The following EPS8 variants were observed in gnomAD, a reference collection of about 807,000 sequenced individuals.
EPS8 encodes EGFR pathway substrate 8, signaling adaptor.
In EPS8, 42 loss-of-function variants were observed where a neutral mutation model predicts 103.8. That is an observed-to-expected ratio of 0.40 (90% CI 0.32 to 0.52). The LOEUF (loss-of-function observed/expected upper bound fraction) is 0.52, where lower values mean the gene tolerates loss of function less well. Among genes scored for constraint, EPS8 ranks in the 20% least tolerant of loss-of-function variants. The pLI is 0.40. For missense variants in EPS8, 969 were observed against 1,005.1 expected, an observed-to-expected ratio of 0.96 and a Z score of 0.49; for synonymous variants, 344 against 344.6, an observed-to-expected ratio of 1.00 and a Z score of 0.02.
chr12:15,669,801 G>C lies in EPS8; in HGVS notation c.229C>G (p.Arg77Gly). Residue 77 changes from arginine to glycine, a missense_variant, in exon 5 of 21, where the codon CGG becomes GGG. Physicochemically the swap from Arg to Gly is moderately radical, Grantham distance 125. Coordinates refer to ENST00000281172, the MANE Select transcript of EPS8 (RefSeq NM_004447.6). Reference sequence around the variant, plus strand: ...TCAACAGTGATCATAGCATCTTTCCGATCCAGGACAAAGGTAGTCAAGTGC... The same window carrying C: ...TCAACAGTGATCATAGCATCTTTCCCATCCAGGACAAAGGTAGTCAAGTGC... Reference protein sequence around the residue: ...VEHLTTFVLDRKDAMITVDDG... With the variant: ...VEHLTTFVLDGKDAMITVDDG... 1.2e-6 allele frequency: 2 copies of C among 1,605,940 alleles called. No homozygotes were observed. Among genetic ancestry groups the C allele is most frequent in the Non-Finnish European group, 1.7e-6 (2 of 1,177,646 alleles).
rs767876620 is a variant in EPS8 at position 15,776,834 on chromosome 12, C to T, written c.-22+12327G>A. Among the ~76,000 whole-genome samples the T allele has an allele frequency of 6.6e-6, 1 of 152,172 alleles. No homozygotes were observed. Among genetic ancestry groups the T allele is most frequent in the Non-Finnish European group, 1.5e-5 (1 of 68,018 alleles). On this transcript the variant is annotated intron_variant, in intron 1 of 20. Transcript: ENST00000281172. This position sits in a 1 kb window ranked among gnomAD's most constrained non-coding sequence, Gnocchi z 4.2. The stretch of plus-strand genomic sequence containing the variant: ...TTCTACCACCACTTGTTTTCCCAAT[C>T]ATTTTATCACTTTATCTATTAGTTT...
chr12:15,785,587 T>C lies in EPS8; in HGVS notation c.-22+3574A>G, dbSNP rs571817759. Among the ~76,000 whole-genome samples, 1 of 152,224 alleles carries C rather than the reference T, an allele frequency of 6.6e-6. No homozygotes were observed. Among genetic ancestry groups the C allele is most frequent in the African/African-American group, 2.4e-5 (1 of 41,556 alleles). On this transcript the variant is annotated intron_variant, in intron 1 of 20. Coordinates refer to ENST00000281172, the MANE Select transcript of EPS8 (RefSeq NM_004447.6). This position sits in a 1 kb window ranked among gnomAD's most constrained non-coding sequence, Gnocchi z 4.9. ...GTACAGATATGTTCATATACACACA[T>C]GTATTTCTTGCTTTGTCACATGAGA...
chr12:15,698,966 TA>T lies in EPS8; in HGVS notation c.-21-15995del, dbSNP rs1351598665. Among the ~76,000 whole-genome samples the T allele has an allele frequency of 3.3e-5, 5 of 152,128 alleles. No individual in the cohort carries two copies. Among genetic ancestry groups the T allele is most frequent in the Middle Eastern group, 3.2e-3 (1 of 316 alleles). ...CAGATGCTTCAGATTTGAAAAAATG[TA>T]AATGACCATCAATCTACTAATATAA... On this transcript the variant is annotated intron_variant, in intron 1 of 20. Transcript: ENST00000281172. The surrounding 1 kb of genome is among the most constrained non-coding windows in gnomAD (Gnocchi z 4.9).
At chr12:15,654,473 G>A (rs1591823581) in intron 12 of EPS8, 180 bp from the exon 13 acceptor site, 1 of 626,076 alleles carries the variant, frequency 1.6e-6, no homozygotes, top group African/African-American at 1.8e-5. Flanking sequence ...GCCCAGCCCA[G>A]CAGTGCTTTA....
chr12:15,650,823 C>G lies in EPS8; in HGVS notation c.1434G>C (p.Glu478Asp). The change falls in exon 14 of 21, where the codon GAG becomes GAC. Residue 478 changes from glutamate (E) to aspartate (D), a missense_variant and splice_region_variant. Transcript: ENST00000281172. ...RKQEIKRLST[E>D]HSSVSEYHPA... ...AGGGCAATGTTAAAAAAAAAACTAC[C>G]TCTGTGGATAATCTTTTTATTTCCT... The G allele has an allele frequency of 6.2e-7, 1 of 1,612,932 alleles. No homozygotes were observed. Among genetic ancestry groups the G allele is most frequent in the Non-Finnish European group, 8.5e-7 (1 of 1,179,360 alleles).
chr12:15,779,242 T>C lies in EPS8; in HGVS notation c.-22+9919A>G, dbSNP rs1246571891. On this transcript the variant is annotated intron_variant, in intron 1 of 20. Transcript: ENST00000281172. This position sits in a 1 kb window ranked among gnomAD's most constrained non-coding sequence, Gnocchi z 4.3. ...ATCCGCCTGCCTCGGCTTCCCAAAA[T>C]GCTGGGATTACAGGCGTGAGCCACC... 2.6e-5 allele frequency among the ~76,000 whole-genome samples: 4 copies of C among 152,206 alleles called. No individual in the cohort carries two copies. The highest frequency in any genetic ancestry group is 5.9e-5 in the Non-Finnish European group (4 of 68,038).
At chr12:15,650,796 A>C in intron 14 of EPS8, 27 bp downstream of exon 14, 1 of 1,567,746 alleles carries the variant, frequency 6.4e-7, no homozygotes. Flanking sequence ...CACTGTCTAC[A>C]GAGGGCAATG....
rs1419342785 is a variant in EPS8 at position 15,697,781 on chromosome 12, A to G, written c.-21-14809T>C. On this transcript the variant is annotated intron_variant, in intron 1 of 20. Transcript: ENST00000281172. The surrounding 1 kb of genome is among the most constrained non-coding windows in gnomAD (Gnocchi z 5.6). ...ATCTAGCTTTACTGATAAGTAAGAA[A>G]AAAAGGGAACTGGATTCTGAAAGTT... 6.6e-6 allele frequency among the ~76,000 whole-genome samples: 1 copy of G among 152,204 alleles called. No homozygotes were observed. Among genetic ancestry groups the G allele is most frequent in the Non-Finnish European group, 1.5e-5 (1 of 68,030 alleles).
Position 15,713,187 on chromosome 12 carries a change from C to T in EPS8, c.-21-30215G>A, listed in dbSNP as rs886185457. The T allele has an allele frequency of 3.7e-5, 6 of 160,558 alleles. No homozygotes were observed. The East Asian group carries it at 7.7e-4, about 21-fold the overall frequency. 9.9% of individuals were successfully genotyped at this position (160,558 alleles called of 1,614,324 possible). A position where few individuals can be genotyped will look rare whatever the true frequency, so the allele number is the denominator to read the frequency against. On this transcript the variant is annotated intron_variant, in intron 1 of 20. Transcript: ENST00000281172. This position sits in a 1 kb window ranked among gnomAD's most constrained non-coding sequence, Gnocchi z 4.8. ...AAGCTTACTGTGTGGTCTAAATTAA[C>T]GCTATATACACAGACACCATTATTA...
rs1233318169 is a variant in EPS8 at position 15,713,200 on chromosome 12, G to A, written c.-21-30228C>T. 1 of 155,482 alleles carries A rather than the reference G, an allele frequency of 6.4e-6. No homozygotes were observed. The highest frequency in any genetic ancestry group is 2.4e-5 in the African/African-American group (1 of 41,464). 9.6% of individuals were successfully genotyped at this position (155,482 alleles called of 1,614,324 possible). On this transcript the variant is annotated intron_variant, in intron 1 of 20. Coordinates refer to ENST00000281172, the MANE Select transcript of EPS8 (RefSeq NM_004447.6). The surrounding 1 kb of genome is among the most constrained non-coding windows in gnomAD (Gnocchi z 4.8). ...GGTCTAAATTAACGCTATATACACA[G>A]ACACCATTATTACTCCCATTTTAGA...
chr12:15,737,122 C>G (rs1030061949), intron 1 of EPS8, among the ~76,000 whole-genome samples: 14 of 152,034 alleles, frequency 9.2e-5, no homozygotes, highest in Non-Finnish European at 1.9e-4. Context: ...GTACTAAACA[C>G]AATAGTGTAG....
At position 15,657,786 on chromosome 12, in the gene EPS8, T is replaced by C; in HGVS notation, c.1101+293A>G. The C allele has an allele frequency of 1.0e-5, 3 of 285,844 alleles. No homozygotes were observed. In the South Asian group the frequency reaches 1.2e-4, roughly 11 times the overall value. The allele number at this position is 285,844 out of a possible 1,614,324, so 17.7% of individuals were successfully genotyped here. ...CTACGTTATTCAAGGCACTGGATAT[T>C]ATATACTAGTATACGTTGAAATACT... On this transcript the variant is annotated intron_variant, in intron 12 of 20. Coordinates refer to ENST00000281172, the MANE Select transcript of EPS8 (RefSeq NM_004447.6).
At position 15,647,128 on chromosome 12, in the gene EPS8, T is replaced by A; in HGVS notation, c.1567A>T (p.Arg523Ter). ...FKPTSNRHID[R>*]NYEPLKTQPK... ...CAAAGGGTGCCCATTAAATGTTACC[T>A]ATCTATATGGCGATTAGAAGTTGGC... Residue 523 changes from arginine (R) to a stop codon, truncating the protein, a stop_gained and splice_region_variant, in exon 15 of 21, where the codon AGA becomes TGA. Transcript: ENST00000281172. LOFTEE classifies it high-confidence loss of function. 6.2e-7 allele frequency: 1 copy of A among 1,612,778 alleles called. No individual in the cohort carries two copies. The highest frequency in any genetic ancestry group is 2.2e-5 in the East Asian group (1 of 44,864).
Position 15,697,083 on chromosome 12 carries a change from A to G in EPS8, c.-21-14111T>C, listed in dbSNP as rs548120825. 3.3e-4 allele frequency among the ~76,000 whole-genome samples: 50 copies of G among 152,300 alleles called. 1 individual carries two copies. The highest frequency in any genetic ancestry group is 1.2e-3 in the African/African-American group (49 of 41,556). On this transcript the variant is annotated intron_variant, in intron 1 of 20. Coordinates refer to ENST00000281172, the MANE Select transcript of EPS8 (RefSeq NM_004447.6). This position sits in a 1 kb window ranked among gnomAD's most constrained non-coding sequence, Gnocchi z 5.6. ...TCTATTCCCACAGTTCCCATCTCTA[A>G]CCAACTGGGAAAATGGCCTATAGAC...
At chr12:15,691,643 T>C (rs1278626175) in intron 1 of EPS8, among the ~76,000 whole-genome samples, 1 of 152,096 alleles carries the variant, frequency 6.6e-6, no homozygotes. Context: ...TAGGAAACTG[T>C]CAGCAGTTTG....
At chr12:15,648,646 G>A (rs1230499392) in intron 14 of EPS8, among the ~76,000 whole-genome samples, 1 of 152,136 alleles carries the variant, frequency 6.6e-6, no homozygotes, top group African/African-American at 2.4e-5. Flanking sequence ...TTCTAAAGAG[G>A]GGAGTGCTCT....
chr12:15,676,259 CAAAAAAAAAAAAAAA>C (rs888576581), intron 3 of EPS8, among the ~76,000 whole-genome samples: 2 of 16,336 alleles, frequency 1.2e-4, no homozygotes, highest in East Asian at 3.6e-3. Flanking sequence ...GACTCCATCT[CAAAAAAAAAAAAAAA>C]AAAAAAAAAA....
chr12:15,716,682 C>T lies in EPS8; in HGVS notation c.-21-33710G>A, dbSNP rs1182429786. Among the ~76,000 whole-genome samples the T allele has an allele frequency of 2.6e-5, 4 of 152,168 alleles. No homozygotes were observed. Among genetic ancestry groups the T allele is most frequent in the Non-Finnish European group, 5.9e-5 (4 of 68,036 alleles). On this transcript the variant is annotated intron_variant, in intron 1 of 20. Transcript: ENST00000281172. The surrounding 1 kb of genome is among the most constrained non-coding windows in gnomAD (Gnocchi z 5.0). Reference sequence around the variant, plus strand: ...TGCCCTACATTCCCATACTTTGTAACTACAAATATAGAGGCAGACAAAATA... The same window carrying T: ...TGCCCTACATTCCCATACTTTGTAATTACAAATATAGAGGCAGACAAAATA...
chr12:15,733,336 C>G lies in EPS8; in HGVS notation c.-21-50364G>C, dbSNP rs1487046817. 6.6e-6 allele frequency among the ~76,000 whole-genome samples: 1 copy of G among 152,100 alleles called. No homozygotes were observed. Among genetic ancestry groups the G allele is most frequent in the Non-Finnish European group, 1.5e-5 (1 of 68,022 alleles). On this transcript the variant is annotated intron_variant, in intron 1 of 20. Coordinates refer to ENST00000281172, the MANE Select transcript of EPS8 (RefSeq NM_004447.6). The surrounding 1 kb of genome is among the most constrained non-coding windows in gnomAD (Gnocchi z 4.8). ...CAAACACTTAATAAAACCATCAGAT[C>G]TCATGAGAACTCACTCTCTATCGTG...
Sources: allele counts gnomAD v4.1 joint callset (sites outside exome capture counted in the v4.1 genomes callset), GRCh38; gene constraint gnomAD v4.1.1; non-coding constraint Gnocchi (gnomAD v3.1); transcripts MANE v1.5; gene names NCBI Gene and HGNC (gene_info 2026-07-23, HGNC 2026-07-21).